Variants in CSNK1G2 observed in about 807,000 individuals in gnomAD.
CSNK1G2 encodes the protein casein kinase I isoform gamma-2.
A neutral mutation model predicts 48.0 loss-of-function variants in CSNK1G2; 11 were observed. The observed-to-expected ratio is 0.23, with a 90% CI of 0.14 to 0.38. CSNK1G2 has a LOEUF of 0.38. Ranked by LOEUF, CSNK1G2 falls within the 10% of genes least tolerant of loss-of-function variation. CSNK1G2 has a pLI of 1.00. For synonymous variants in CSNK1G2, 337 were observed against 254.1 expected, an observed-to-expected ratio of 1.33 and a Z score of -3.10; for missense variants, 446 against 595.5, an observed-to-expected ratio of 0.75 and a Z score of 2.61.
intron 2 of CSNK1G2, among the ~76,000 whole-genome samples, chr19:1,972,085 T>C (rs1005336221): frequency 9.2e-5 from 14 of 152,210 alleles, no homozygotes; most frequent in Non-Finnish European, 1.5e-4. Flanking sequence ...CGCCAGCTTT[T>C]ACTGAGTTGC....
chr19:1,976,443 A>T (rs181642613), intron 2 of CSNK1G2, among the ~76,000 whole-genome samples: 3 of 152,224 alleles, frequency 2.0e-5, no homozygotes, highest in East Asian at 3.9e-4. Flanking sequence ...CTGATTGGAA[A>T]CTGTGCTGAA....
At position 1,949,121 on chromosome 19, in the gene CSNK1G2, T is replaced by A. The variant is rs561824618; in HGVS notation, c.-266+7703T>A. On this transcript the variant is annotated intron_variant, in intron 1 of 11. Transcript: ENST00000255641. ...GAAAAAATCCACGTCAGAGTGGACC[T>A]GTCAGTTCAAACCTGCCGTGGTCAA... Among the ~76,000 whole-genome samples, 5 of 152,228 alleles carry A rather than the reference T, an allele frequency of 3.3e-5. No homozygotes were observed. The East Asian group carries it at 9.7e-4, about 29-fold the overall frequency.
At chr19:1,955,532 T>G in intron 1 of CSNK1G2, among the ~76,000 whole-genome samples, 1 of 147,800 alleles carries the variant, frequency 6.8e-6, no homozygotes. Flanking sequence ...CTCCGCGGGG[T>G]GGGCGTGTGC....
At position 1,978,834 on chromosome 19, in the gene CSNK1G2, C is replaced by CCGA; in HGVS notation, c.448-23_448-21dup. ...GCGCGTGGGACGGGGAGGGGCCCGG[C>CCGA]CGACACCGCCGTGCCCCCCTGCAGA... On this transcript the variant is annotated intron_variant, in intron 5 of 11. Coordinates refer to ENST00000255641, the MANE Select transcript of CSNK1G2 (RefSeq NM_001319.7). The surrounding 1 kb of genome is among the most constrained non-coding windows in gnomAD (Gnocchi z 7.3). 6.3e-7 allele frequency: 1 copy of CCGA among 1,592,462 alleles called. No homozygotes were observed. The highest frequency in any genetic ancestry group is 8.5e-7 in the Non-Finnish European group (1 of 1,172,538).
chr19:1,960,676 T>G (rs950221914), intron 1 of CSNK1G2, among the ~76,000 whole-genome samples: 2 of 152,044 alleles, frequency 1.3e-5, no homozygotes, highest in Admixed American at 1.3e-4. Context: ...TCACTTGAAG[T>G]CGGGAGTTTG....
chr19:1,953,886 T>C (rs1342331771), intron 1 of CSNK1G2: 1 of 534,138 alleles, frequency 1.9e-6, no homozygotes, highest in Non-Finnish European at 3.8e-6. Flanking sequence ...ACGGCTCAGC[T>C]GCGTTCTCAG....
chr19:1,977,623 C>G (rs183535045), intron 2 of CSNK1G2, among the ~76,000 whole-genome samples: 1 of 151,938 alleles, frequency 6.6e-6, no homozygotes, highest in Admixed American at 6.6e-5. Flanking sequence ...TGTGGTGGTG[C>G]GCACCTGTAG....
In CSNK1G2 at chr19:1,979,769, C is replaced by T. The variant is rs762346151; in HGVS notation, c.1020C>T (p.Thr340=). ...AGKPLPTPIG[T]VHTDLPSQPQ... ...ACCCACAGCCGACCCCCATCGGCAC[C>T]GTCCACACCGACCTGCCCTCCCAGC... The change falls in exon 10 of 12, where the codon ACC becomes ACT. Residue 340 remains threonine (T), a synonymous_variant. Transcript: ENST00000255641. 14 of 1,606,464 alleles carry T rather than the reference C, an allele frequency of 8.7e-6. No homozygotes were observed. Among genetic ancestry groups the T allele is most frequent in the Middle Eastern group, 1.7e-4 (1 of 6,046 alleles).
intron 9 of CSNK1G2, 28 bp from the exon 10 acceptor site, chr19:1,979,724 A>T (rs2015908066): frequency 1.9e-6 from 3 of 1,603,714 alleles, no homozygotes; most frequent in African/African-American, 1.3e-5. Flanking sequence ...GCTGCAGCCC[A>T]TCCTGACCCC....
At chr19:1,966,832 CCATGAT>C (rs1449163855) in intron 1 of CSNK1G2, among the ~76,000 whole-genome samples, 1 of 152,144 alleles carries the variant, frequency 6.6e-6, no homozygotes, top group Non-Finnish European at 1.5e-5. Flanking sequence ...CTCCCGGTTC[CCATGAT>C]CATTACCATT....
intron 1 of CSNK1G2, among the ~76,000 whole-genome samples, chr19:1,955,875 T>G (rs1273326169): frequency 1.3e-5 from 2 of 152,164 alleles, no homozygotes; most frequent in African/African-American, 4.8e-5. Context: ...GGGAGGCCAG[T>G]GCTCATCCAG....
At position 1,979,928 on chromosome 19, in the gene CSNK1G2, C is replaced by G. The variant is rs372165892; in HGVS notation, c.1104C>G (p.Asn368Lys). 6.2e-7 allele frequency: 1 copy of G among 1,605,686 alleles called. No homozygotes were observed. The highest frequency in any genetic ancestry group is 2.2e-5 in the East Asian group (1 of 44,742). Residue 368 changes from asparagine to lysine, a missense_variant, in exon 11 of 12, where the codon AAC (asparagine) becomes AAG (lysine). Transcript: ENST00000255641. The part of the protein sequence containing the change: ...HSKNQALNST[N>K]GELNADDPTA... The stretch of plus-strand genomic sequence containing the variant: ...CCCACCAGGCGTTGAACTCCACCAA[C>G]GGGGAGCTGAATGCGGACGACCCCA...
intron 1 of CSNK1G2, among the ~76,000 whole-genome samples, chr19:1,954,877 G>T (rs1309763112): frequency 3.9e-5 from 6 of 152,166 alleles, no homozygotes; most frequent in Non-Finnish European, 8.8e-5. Flanking sequence ...GTGGCTGCGT[G>T]GGTTGGGTGG....
chr19:1,943,936 C>T (rs913630860), intron 1 of CSNK1G2, among the ~76,000 whole-genome samples: 10 of 152,150 alleles, frequency 6.6e-5, no homozygotes, highest in Non-Finnish European at 1.2e-4. Flanking sequence ...GGCCGAGTGC[C>T]GGGCACAGCC....
rs888123510 is a variant in CSNK1G2, at chr19:1,942,194, G to C, written c.-266+776G>C. Among the ~76,000 whole-genome samples the C allele has an allele frequency of 4.6e-5, 7 of 152,308 alleles. No individual in the cohort carries two copies. The East Asian group carries it at 1.2e-3, about 25-fold the overall frequency. The stretch of plus-strand genomic sequence containing the variant: ...TTGTTTTCCGGAAACGCACGGATCA[G>C]GGAGGGAGGGTGAGATGTCTGAGCA... On this transcript the variant is annotated intron_variant, in intron 1 of 11. Coordinates refer to ENST00000255641, the MANE Select transcript of CSNK1G2 (RefSeq NM_001319.7).
chr19:1,952,800 A>T (rs957092258), intron 1 of CSNK1G2: 3 of 324,944 alleles, frequency 9.2e-6, no homozygotes, highest in Non-Finnish European at 1.9e-5. Context: ...CCCAGGACCA[A>T]GCCCTCTCGC....
chr19:1,975,392 G>A (rs968202103), intron 2 of CSNK1G2: 51 of 985,358 alleles, frequency 5.2e-5, no homozygotes, highest in East Asian at 1.1e-4. Context: ...AGAAGGGGAC[G>A]GCTGCCCGCA....
chr19:1,941,955 C>T (rs1238437062), intron 1 of CSNK1G2, among the ~76,000 whole-genome samples: 1 of 152,060 alleles, frequency 6.6e-6, no homozygotes, highest in Non-Finnish European at 1.5e-5. Context: ...CCCCTGCCCA[C>T]CTGGCCCCAT....
rs1252410594 is a variant in CSNK1G2 at position 1,943,900 on chromosome 19, G to A, written c.-266+2482G>A. Among the ~76,000 whole-genome samples, 3 of 152,244 alleles carry A rather than the reference G, an allele frequency of 2.0e-5. No individual in the cohort carries two copies. In the East Asian group the frequency reaches 5.8e-4, roughly 29 times the overall value. The stretch of plus-strand genomic sequence containing the variant: ...GCCTGGCGGAGGGCGGGTGGTGGAT[G>A]GAGGCAGCGCTGTGGGTGCTGTTGG... On this transcript the variant is annotated intron_variant, in intron 1 of 11. Transcript: ENST00000255641.
Sources: gnomAD v4.1 joint callset for allele counts (sites outside exome capture counted in the v4.1 genomes callset) on GRCh38, gnomAD v4.1.1 for gene constraint, Gnocchi (gnomAD v3.1) non-coding constraint, MANE v1.5 for transcripts, NCBI Gene and HGNC (gene_info 2026-07-23, HGNC 2026-07-21) for gene names.